Variants in DPP6 observed in about 807,000 individuals in gnomAD.
DPP6 encodes A-type potassium channel modulatory protein DPP6.
Under a neutral mutation model 122.6 loss-of-function variants are expected in DPP6, and 69 were observed. The ratio of observed to expected loss-of-function variants is 0.56; its 90% CI spans 0.46 to 0.69. DPP6 has a LOEUF of 0.69. Among genes scored for constraint, DPP6 ranks in the 30% least tolerant of loss-of-function variants. The pLI is 0.00. For missense variants in DPP6, 928 were observed against 1,116.9 expected (o/e 0.83, Z 2.41); for synonymous variants, 418 against 433.1 (o/e 0.97, Z 0.43).
chr7:154,550,723 C>T (rs1195191048), intron 4 of DPP6, among the ~76,000 whole-genome samples: 1 of 150,108 alleles, frequency 6.7e-6, no homozygotes, highest in African/African-American at 2.4e-5. Context: ...AAAGATTGTA[C>T]AGCTTTCATT....
intron 8 of DPP6, among the ~76,000 whole-genome samples, chr7:154,756,549 A>G (rs552829366): frequency 6.6e-6 from 1 of 152,272 alleles, no homozygotes; most frequent in African/African-American, 2.4e-5. Context: ...TCACTTGCCC[A>G]TGGTCACAGC....
At chr7:154,215,925 C>T (rs1799969918) in intron 1 of DPP6, among the ~76,000 whole-genome samples, 1 of 152,066 alleles carries the variant, frequency 6.6e-6, no homozygotes, top group Non-Finnish European at 1.5e-5. Flanking sequence ...AACCAAACAA[C>T]AGCATGAATC....
intron 19 of DPP6, among the ~76,000 whole-genome samples, chr7:154,873,780 A>C (rs1221045870): frequency 6.6e-6 from 1 of 151,392 alleles, no homozygotes; most frequent in East Asian, 2.0e-4. Flanking sequence ...ATGCACACAC[A>C]CCCACATGTG....
At chr7:154,407,203 C>A (rs1586182423) in intron 1 of DPP6, among the ~76,000 whole-genome samples, 1 of 152,182 alleles carries the variant, frequency 6.6e-6, no homozygotes, top group Non-Finnish European at 1.5e-5. Context: ...AATTCCTCCC[C>A]ATGTTTAAAT....
intron 7 of DPP6, among the ~76,000 whole-genome samples, chr7:154,683,554 C>A (rs11243311): frequency 1.3e-5 from 2 of 152,088 alleles, no homozygotes; most frequent in Non-Finnish European, 2.9e-5. Flanking sequence ...TTTTTCTACC[C>A]CAAAACTACC....
At chr7:154,630,263 G>A (rs1298481507) in intron 5 of DPP6, among the ~76,000 whole-genome samples, 3 of 152,240 alleles carry the variant, frequency 2.0e-5, no homozygotes, top group Non-Finnish European at 4.4e-5. Context: ...CTGAGGTGAT[G>A]TGGAGGAGGG....
intron 1 of DPP6, among the ~76,000 whole-genome samples, chr7:154,307,966 C>G (rs989791756): frequency 6.6e-6 from 1 of 151,432 alleles, no homozygotes; most frequent in African/African-American, 2.4e-5. Flanking sequence ...AACTCAATGA[C>G]TGCCTGCAAA....
chr7:154,514,197 A>G (rs937971966), intron 3 of DPP6, among the ~76,000 whole-genome samples: 2 of 151,750 alleles, frequency 1.3e-5, no homozygotes, highest in African/African-American at 4.8e-5. Context: ...AATCCCTTGA[A>G]CCCGGGAGGC....
upstream of DPP6, among the ~76,000 whole-genome samples, chr7:154,052,247 C>T (rs1393411456): frequency 1.3e-4 from 20 of 152,106 alleles, no homozygotes; most frequent in African/African-American, 4.6e-4. The surrounding 1 kb of genome is among the most constrained non-coding windows in gnomAD (Gnocchi z 4.8). Flanking sequence ...CCCTTTTGTG[C>T]GACCCCGTGC....
the DPP6 span, among the ~76,000 whole-genome samples, chr7:153,808,776 A>C: frequency 1.3e-5 from 2 of 152,098 alleles, no homozygotes; most frequent in South Asian, 4.2e-4. Context: ...AGTTACTACA[A>C]TTTCTTCATC....
intron 1 of DPP6, among the ~76,000 whole-genome samples, chr7:154,303,957 C>G (rs2150983983): frequency 6.6e-6 from 1 of 152,228 alleles, no homozygotes; most frequent in African/African-American, 2.4e-5. Flanking sequence ...AGGGGCTGAA[C>G]AAGGGGAAAT....
intron 1 of DPP6, among the ~76,000 whole-genome samples, chr7:154,317,044 T>C (rs1421863981): frequency 6.6e-6 from 1 of 152,140 alleles, no homozygotes; most frequent in East Asian, 1.9e-4. Context: ...AGAAGCATGA[T>C]TATATGAGTT....
At chr7:154,093,316 C>A (rs1368035178) in intron 1 of DPP6, among the ~76,000 whole-genome samples, 1 of 146,510 alleles carries the variant, frequency 6.8e-6, no homozygotes, top group African/African-American at 2.6e-5. Flanking sequence ...ACACCACATG[C>A]CACACAACCT....
chr7:154,250,772 G>A (rs1024408727), intron 1 of DPP6, among the ~76,000 whole-genome samples: 3 of 152,108 alleles, frequency 2.0e-5, no homozygotes, highest in African/African-American at 4.8e-5. Context: ...GAGAAAAGAG[G>A]CTAGAAGAGC....
At chr7:154,495,400 T>TG (rs1824646919) in intron 3 of DPP6, among the ~76,000 whole-genome samples, 3 of 151,108 alleles carry the variant, frequency 2.0e-5, no homozygotes, top group South Asian at 4.2e-4. Context: ...TTTTTTTTTT[T>TG]TTGTTGTTGT....
intron 1 of DPP6, among the ~76,000 whole-genome samples, chr7:154,210,147 A>T (rs1470981581): frequency 6.6e-6 from 1 of 152,202 alleles, no homozygotes; most frequent in Non-Finnish European, 1.5e-5. Context: ...GAAAAGGATC[A>T]ATACCATGGC....
At chr7:153,785,388 G>T in the DPP6 span, among the ~76,000 whole-genome samples, 1 of 152,098 alleles carries the variant, frequency 6.6e-6, no homozygotes, top group Non-Finnish European at 1.5e-5. Flanking sequence ...GGCACAAGGG[G>T]ATCCAATACA....
At chr7:154,503,467 C>T (rs983984582) in intron 3 of DPP6, among the ~76,000 whole-genome samples, 3 of 152,180 alleles carry the variant, frequency 2.0e-5, no homozygotes, top group African/African-American at 4.8e-5. Flanking sequence ...CTACTGGAGG[C>T]AAGGTGGGCT....
In DPP6 at chr7:154,536,943, G is replaced by A. The variant is rs117811848; in HGVS notation, c.458-3589G>A. 3.2e-3 allele frequency among the ~76,000 whole-genome samples: 486 copies of A among 152,146 alleles called. 18 individuals are homozygous for A. The East Asian group carries it at 0.078, about 25-fold the overall frequency. On this transcript the variant is annotated intron_variant, in intron 3 of 25. Transcript: ENST00000377770. ...TTCATGTCATTTCCCAGTGAATTAA[G>A]GCTTTATTTTTTAAAGGAAAATTCA...
Sources: allele counts gnomAD v4.1 joint callset (sites outside exome capture counted in the v4.1 genomes callset), GRCh38; gene constraint gnomAD v4.1.1; non-coding constraint Gnocchi (gnomAD v3.1); transcripts MANE v1.5; gene names NCBI Gene and HGNC (gene_info 2026-07-23, HGNC 2026-07-21).